The following PRTG variants were observed in gnomAD, a reference collection of about 807,000 sequenced individuals.
PRTG encodes immunoglobulin superfamily, DCC subclass, member 5.
Under a neutral mutation model 122.5 loss-of-function variants are expected in PRTG, and 67 were observed. That is an observed-to-expected ratio of 0.55 (90% CI 0.45 to 0.67). PRTG has a LOEUF of 0.67. Among genes scored for constraint, PRTG ranks in the 30% least tolerant of loss-of-function variants. The pLI is 0.00. For synonymous variants in PRTG, 554 were observed against 501.1 expected (o/e 1.11, Z -1.41); for missense variants, 1,435 against 1,415.4 (o/e 1.01, Z -0.22).
rs1567121679 is a variant in PRTG at position 55,738,007 on chromosome 15, TA to T, written c.397+2374del. On this transcript the variant is annotated intron_variant, in intron 2 of 19. Transcript: ENST00000389286. Reference sequence around the variant, plus strand: ...CTCTCTCTCTCTCTCTCTCTCTATATATATATATATATATATATACACACAC... The same window carrying T: ...CTCTCTCTCTCTCTCTCTCTCTATATTATATATATATATATATACACACAC... Among the ~76,000 whole-genome samples, 181 of 60,460 alleles carry T rather than the reference TA, an allele frequency of 3.0e-3. 1 individual carries two copies. Among genetic ancestry groups the T allele is most frequent in the South Asian group, 9.1e-3 (19 of 2,080 alleles). The allele number at this position is 60,460 out of a possible 152,430, so 39.7% of individuals were successfully genotyped here.
chr15:55,743,058 A>C lies in PRTG; in HGVS notation c.-127T>G. 7.7e-7 allele frequency: 1 copy of C among 1,305,998 alleles called. No homozygotes were observed. Among genetic ancestry groups the C allele is most frequent in the Non-Finnish European group, 9.7e-7 (1 of 1,032,166 alleles). The allele number at this position is 1,305,998 out of a possible 1,614,324, so 80.9% of individuals were successfully genotyped here. ...CCTGGCTCCCCGCTCCGGCTCCGGC[A>C]CCGGCGTGGCGAGCGTCTCTGCGGC... On this transcript the variant is annotated 5_prime_UTR_variant, in exon 1 of 20. Coordinates refer to ENST00000389286, the MANE Select transcript of PRTG (RefSeq NM_173814.6).
intron 2 of PRTG, among the ~76,000 whole-genome samples, chr15:55,703,755 C>G (rs907471667): frequency 1.1e-4 from 17 of 152,178 alleles, no homozygotes; most frequent in African/African-American, 4.1e-4. Context: ...TCAATTTAAA[C>G]TTGACTTAAA....
chr15:55,707,895 C>T (rs1301817920), intron 2 of PRTG, among the ~76,000 whole-genome samples: 1 of 152,116 alleles, frequency 6.6e-6, no homozygotes, highest in Non-Finnish European at 1.5e-5. Flanking sequence ...TATTCACCAC[C>T]TTATGCAAAT....
intron 15 of PRTG, among the ~76,000 whole-genome samples, chr15:55,636,425 T>A (rs780218444): frequency 6.6e-6 from 1 of 151,940 alleles, no homozygotes; most frequent in African/African-American, 2.4e-5. Flanking sequence ...CTAAGACTCA[T>A]CCATAACAAA....
rs372177271 is a variant in PRTG at position 55,730,792 on chromosome 15, ACT to A, written c.397+9588_397+9589del. On this transcript the variant is annotated intron_variant, in intron 2 of 19. Coordinates refer to ENST00000389286, the MANE Select transcript of PRTG (RefSeq NM_173814.6). ...TCCAACCTGGGCAACAGAGAGCAAGACTCTGTCTCAAAATAAAAGTCACGACT... is the reference window on the plus strand; with the variant it reads ...TCCAACCTGGGCAACAGAGAGCAAGACTGTCTCAAAATAAAAGTCACGACT... Among the ~76,000 whole-genome samples, 897 of 152,116 alleles carry A rather than the reference ACT, an allele frequency of 5.9e-3. 10 individuals carry two copies. The highest frequency in any genetic ancestry group is 0.02 in the African/African-American group (832 of 41,492).
intron 2 of PRTG, among the ~76,000 whole-genome samples, chr15:55,708,766 T>C (rs1485385515): frequency 1.3e-5 from 2 of 152,166 alleles, no homozygotes; most frequent in Non-Finnish European, 2.9e-5. Flanking sequence ...GCCAGGGTTA[T>C]TTCAAAGTGA....
chr15:55,733,554 C>T (rs921332547), intron 2 of PRTG, among the ~76,000 whole-genome samples: 3 of 149,650 alleles, frequency 2.0e-5, no homozygotes, highest in Non-Finnish European at 3.0e-5. Context: ...AGCCCAAGCA[C>T]GATGGTTCAT....
In PRTG at chr15:55,729,706, T is replaced by C. The variant is rs1165090601; in HGVS notation, c.397+10676A>G. On this transcript the variant is annotated intron_variant, in intron 2 of 19. Transcript: ENST00000389286. ...CCATGATAGACAGAGGCTGTCACTA[T>C]GTCCTGTTTCCATGCAATAATAATG... 4.6e-5 allele frequency among the ~76,000 whole-genome samples: 7 copies of C among 152,342 alleles called. No individual in the cohort carries two copies. The South Asian group carries it at 1.4e-3, about 32-fold the overall frequency.
chr15:55,641,557 G>A (rs1417598712), intron 11 of PRTG, among the ~76,000 whole-genome samples: 1 of 152,110 alleles, frequency 6.6e-6, no homozygotes, highest in East Asian at 1.9e-4. Context: ...ACTTGCAAGA[G>A]GTTACACTTT....
At chr15:55,631,927 T>C (rs2059229794) in intron 15 of PRTG, among the ~76,000 whole-genome samples, 1 of 152,192 alleles carries the variant, frequency 6.6e-6, no homozygotes, top group Non-Finnish European at 1.5e-5. Flanking sequence ...ACAGAAAACT[T>C]TTTTTCATAT....
intron 15 of PRTG, among the ~76,000 whole-genome samples, chr15:55,635,071 CTGGGTG>C (rs1391109593): frequency 1.6e-4 from 5 of 31,582 alleles, no homozygotes; most frequent in Admixed American, 3.4e-4. Flanking sequence ...GTTGTTGGTT[CTGGGTG>C]TGTGTGTGTG....
At chr15:55,640,057 TAAG>T (rs770902477) in intron 12 of PRTG, 33 of 632,788 alleles carry the variant, frequency 5.2e-5, no homozygotes, top group Admixed American at 6.3e-5. Flanking sequence ...GCATACATTC[TAAG>T]AAATGTGTTA....
At chr15:55,630,248 A>C (rs1298348975) in intron 15 of PRTG, among the ~76,000 whole-genome samples, 1 of 152,030 alleles carries the variant, frequency 6.6e-6, no homozygotes, top group Non-Finnish European at 1.5e-5. Flanking sequence ...GGCCTCCCAA[A>C]GTGATGGGAT....
chr15:55,646,420 T>A (rs1381892039), intron 11 of PRTG, among the ~76,000 whole-genome samples: 1 of 151,932 alleles, frequency 6.6e-6, no homozygotes, highest in Non-Finnish European at 1.5e-5. Flanking sequence ...CCTACAGGGT[T>A]CACGCCATTC....
At position 55,673,589 on chromosome 15, in the gene PRTG, C is replaced by T. The variant is rs949807137; in HGVS notation, c.1634G>A (p.Arg545Gln). ...ISWLPIPAKY[R>Q]RGQVVLYRLS... ...GCGATACAGCACCACTTGGCCCCGC[C>T]GATATTTGGCTGGGATTGGCAGCCA... Residue 545 changes from arginine to glutamine, a missense_variant, in exon 10 of 20, where the codon CGG becomes CAG. Transcript: ENST00000389286. 1.9e-6 allele frequency: 3 copies of T among 1,613,950 alleles called. No homozygotes were observed. Among genetic ancestry groups the T allele is most frequent in the South Asian group, 1.1e-5 (1 of 91,082 alleles).
Position 55,740,604 on chromosome 15 carries a change from C to G in PRTG, c.175G>C (p.Asp59His). The G allele has an allele frequency of 6.3e-7, 1 of 1,589,164 alleles. No individual in the cohort carries two copies. Among genetic ancestry groups the G allele is most frequent in the Non-Finnish European group, 8.6e-7 (1 of 1,162,628 alleles). Reference sequence around the variant, plus strand: ...GGAACTTCTCCGTGAGCCTGGCAATCTAAAACGACTGGGTCCTTTCTTGTG... The same window carrying G: ...GGAACTTCTCCGTGAGCCTGGCAATGTAAAACGACTGGGTCCTTTCTTGTG... ...TVTRKDPVVLDCQAHGEVPIK... is the reference protein window; with the variant it reads ...TVTRKDPVVLHCQAHGEVPIK... Residue 59 changes from aspartate (D) to histidine (H), a missense_variant, in exon 2 of 20, where the codon GAT (aspartate) becomes CAT (histidine). Asp to His is a moderately conservative substitution (Grantham distance 81). Coordinates refer to ENST00000389286, the MANE Select transcript of PRTG (RefSeq NM_173814.6).
intron 19 of PRTG, 43 bp downstream of exon 19, chr15:55,620,620 A>T (rs373441313): frequency 1.3e-6 from 2 of 1,552,674 alleles, no homozygotes; most frequent in Non-Finnish European, 1.7e-6. Flanking sequence ...ATCATTTCAT[A>T]TATCACGCAT....
At chr15:55,742,723 C>T in intron 1 of PRTG, 115 bp downstream of exon 1, 1 of 1,310,806 alleles carries the variant, frequency 7.6e-7, no homozygotes, top group Non-Finnish European at 1.1e-6. Flanking sequence ...GTCAGCGCCA[C>T]CACGGAGGAC....
At chr15:55,707,679 T>C (rs1595667007) in intron 2 of PRTG, among the ~76,000 whole-genome samples, 1 of 152,222 alleles carries the variant, frequency 6.6e-6, no homozygotes, top group East Asian at 1.9e-4. Flanking sequence ...GCAGCTCATA[T>C]TTCATCGGCT....
Sources: allele counts gnomAD v4.1 joint callset (sites outside exome capture counted in the v4.1 genomes callset), GRCh38; gene constraint gnomAD v4.1.1; transcripts MANE v1.5; gene names NCBI Gene and HGNC (gene_info 2026-07-23, HGNC 2026-07-21).